Variants in RALYL observed in about 807,000 individuals in gnomAD.
RALYL encodes RNA-binding Raly-like protein.
Under a neutral mutation model 35.1 loss-of-function variants are expected in RALYL, and 29 were observed. The observed-to-expected ratio is 0.83, with a 90% CI of 0.61 to 1.13. The LOEUF is 1.13. RALYL is among the 50% of genes most tolerant of loss of function. The pLI is 0.00. For missense variants in RALYL, 359 were observed against 360.4 expected, an observed-to-expected ratio of 1.00 and a Z score of 0.03; for synonymous variants, 120 against 127.6, an observed-to-expected ratio of 0.94 and a Z score of 0.40.
Position 84,531,689 on chromosome 8 carries a change from G to A in RALYL, c.256+2112G>A, listed in dbSNP as rs145113758. ...GAAACTAACAAATACTTGAGGAAAT[G>A]CATTTAATTATTTTTGTTGTTTGAA... On this transcript the variant is annotated intron_variant, in intron 2 of 8. Coordinates refer to ENST00000521268, the MANE Select transcript of RALYL (RefSeq NM_173848.7). Among the ~76,000 whole-genome samples the A allele has an allele frequency of 7.2e-4, 110 of 152,098 alleles. No homozygotes were observed. In the East Asian group the frequency reaches 0.02, roughly 27 times the overall value.
intron 2 of RALYL, among the ~76,000 whole-genome samples, chr8:84,690,745 C>T (rs896810208): frequency 6.6e-6 from 1 of 152,030 alleles, no homozygotes; most frequent in South Asian, 2.1e-4. Context: ...ATGCATATAA[C>T]ATAGAAATCC....
chr8:84,578,417 G>A (rs538659359), intron 2 of RALYL, among the ~76,000 whole-genome samples: 1 of 152,200 alleles, frequency 6.6e-6, no homozygotes, highest in Non-Finnish European at 1.5e-5. Context: ...CCTTCTAGTT[G>A]CCTGCAATGT....
intron 8 of RALYL, among the ~76,000 whole-genome samples, chr8:84,908,574 T>A (rs909532405): frequency 3.3e-5 from 5 of 152,188 alleles, no homozygotes; most frequent in Admixed American, 6.6e-5. Flanking sequence ...TGTGTATATA[T>A]GCCACATTTT....
chr8:84,889,314 C>T (rs1185256189), intron 8 of RALYL, among the ~76,000 whole-genome samples: 2 of 152,190 alleles, frequency 1.3e-5, no homozygotes, highest in African/African-American at 4.8e-5. Flanking sequence ...ATTGTGACTA[C>T]ACTCCTTGAG....
At chr8:84,234,152 C>G (rs1011096172) in intron 1 of RALYL, among the ~76,000 whole-genome samples, 3 of 152,138 alleles carry the variant, frequency 2.0e-5, no homozygotes, top group African/African-American at 7.2e-5. Flanking sequence ...GTGTATTAGG[C>G]ATTTTTGGAA....
chr8:84,807,176 C>A (rs1288626574), intron 4 of RALYL, among the ~76,000 whole-genome samples: 1 of 152,244 alleles, frequency 6.6e-6, no homozygotes, highest in African/African-American at 2.4e-5. Context: ...ACCTTCCCAC[C>A]CAACCAAGTC....
At chr8:84,297,834 G>T (rs1156668479) in intron 1 of RALYL, among the ~76,000 whole-genome samples, 1 of 151,874 alleles carries the variant, frequency 6.6e-6, no homozygotes, top group Non-Finnish European at 1.5e-5. Context: ...TGTTGTTTGC[G>T]TGTATGTCTT....
intron 7 of RALYL, among the ~76,000 whole-genome samples, chr8:84,878,878 G>T (rs1841686955): frequency 6.6e-6 from 1 of 152,056 alleles, no homozygotes; most frequent in South Asian, 2.1e-4. Context: ...GTTTTCCTAG[G>T]TCATCTGTAT....
At chr8:84,649,759 T>C (rs1405511797) in intron 2 of RALYL, among the ~76,000 whole-genome samples, 1 of 152,252 alleles carries the variant, frequency 6.6e-6, no homozygotes, top group East Asian at 1.9e-4. Context: ...GACTTGGTGA[T>C]GTGGGCTCTT....
intron 1 of RALYL, among the ~76,000 whole-genome samples, chr8:84,236,672 G>A (rs12676075): frequency 0.1 from 15,145 of 152,112 alleles, 1,038 homozygotes; most frequent in African/African-American, 0.19. Flanking sequence ...GACATTGTAA[G>A]GGCTGTGGCT....
chr8:84,778,907 G>T (rs986671034), intron 3 of RALYL, among the ~76,000 whole-genome samples: 1 of 152,182 alleles, frequency 6.6e-6, no homozygotes, highest in African/African-American at 2.4e-5. Context: ...GCAATGGCAG[G>T]CTCAGGTGTA....
chr8:84,659,216 A>G (rs1210196717), intron 2 of RALYL, among the ~76,000 whole-genome samples: 1 of 151,620 alleles, frequency 6.6e-6, no homozygotes, highest in Non-Finnish European at 1.5e-5. Context: ...GTAGAGATCA[A>G]CACCTTTTAA....
chr8:84,292,993 C>T (rs924759702), intron 1 of RALYL, among the ~76,000 whole-genome samples: 1 of 152,158 alleles, frequency 6.6e-6, no homozygotes, highest in Non-Finnish European at 1.5e-5. Context: ...CCACATCATG[C>T]TTCCACCTTC....
intron 4 of RALYL, among the ~76,000 whole-genome samples, chr8:84,841,225 C>A (rs550101688): frequency 6.6e-6 from 1 of 152,258 alleles, no homozygotes; most frequent in African/African-American, 2.4e-5. Flanking sequence ...GGAAACCCAT[C>A]TCACATGCAG....
At chr8:84,902,782 G>GT (rs968974840) in intron 8 of RALYL, among the ~76,000 whole-genome samples, 5 of 152,078 alleles carry the variant, frequency 3.3e-5, no homozygotes, top group African/African-American at 1.2e-4. Context: ...GTTAAAGGAA[G>GT]TTTTTTTGGG....
intron 2 of RALYL, among the ~76,000 whole-genome samples, chr8:84,551,064 G>T (rs2060687414): frequency 6.6e-6 from 1 of 151,670 alleles, no homozygotes; most frequent in Non-Finnish European, 1.5e-5. Flanking sequence ...AATATGGCAG[G>T]TTTTTTTCTA....
intron 2 of RALYL, among the ~76,000 whole-genome samples, chr8:84,747,387 AAAT>A (rs1250001197): frequency 1.3e-5 from 2 of 151,966 alleles, no homozygotes; most frequent in Non-Finnish European, 2.9e-5. Flanking sequence ...AATTGTTTTG[AAAT>A]AAGAGCAATA....
intron 8 of RALYL, among the ~76,000 whole-genome samples, chr8:84,919,503 T>C (rs1489795592): frequency 6.6e-6 from 1 of 152,066 alleles, no homozygotes; most frequent in African/African-American, 2.4e-5. Flanking sequence ...AAACTGACTC[T>C]TCTCATGCAC....
chr8:84,593,999 T>C (rs930154286), intron 2 of RALYL, among the ~76,000 whole-genome samples: 2 of 152,080 alleles, frequency 1.3e-5, no homozygotes, highest in Non-Finnish European at 2.9e-5. Context: ...AGCATTTGTG[T>C]CCACTTTAAT....
Sources: allele counts gnomAD v4.1 joint callset (sites outside exome capture counted in the v4.1 genomes callset), GRCh38; gene constraint gnomAD v4.1.1; transcripts MANE v1.5; gene names NCBI Gene and HGNC (gene_info 2026-07-23, HGNC 2026-07-21).